The following KCNMA1 variants were observed in gnomAD, a reference collection of about 807,000 sequenced individuals.
KCNMA1 encodes Calcium-activated potassium channel subunit alpha-1.
KCNMA1 carries 29 observed loss-of-function variants against 140.0 expected under a neutral mutation model. The ratio of observed to expected loss-of-function variants is 0.21; its 90% confidence interval spans 0.15 to 0.28. The LOEUF (loss-of-function observed/expected upper bound fraction) is 0.28, where lower values mean the gene tolerates loss of function less well. Ranked by LOEUF, KCNMA1 falls within the 10% of genes least tolerant of loss-of-function variation. The pLI is 1.00. For synonymous variants in KCNMA1, 612 were observed against 611.9 expected (o/e 1.00, Z 0.00); for missense variants, 880 against 1,602.2 (o/e 0.55, Z 7.70).
At chr10:77,458,360 T>C (rs2097794098) in intron 1 of KCNMA1, among the ~76,000 whole-genome samples, 1 of 152,142 alleles carries the variant, frequency 6.6e-6, no homozygotes, top group African/African-American at 2.4e-5. Flanking sequence ...GGGCAGGTCC[T>C]CCTCCCTGAG....
intron 2 of KCNMA1, among the ~76,000 whole-genome samples, chr10:77,346,208 G>A (rs2154381061): frequency 6.6e-6 from 1 of 152,262 alleles, no homozygotes; most frequent in East Asian, 1.9e-4. Context: ...GCTTTGCTGA[G>A]CAATTTAAAA....
chr10:76,875,433 G>A (rs954249142), downstream of KCNMA1: 1 of 152,082 alleles, frequency 6.6e-6, no homozygotes, highest in Non-Finnish European at 1.5e-5. Context: ...AAAAAGTTTA[G>A]ATTAAAATTT....
At chr10:77,141,935 G>A (rs142485814) in intron 5 of KCNMA1, among the ~76,000 whole-genome samples, 19 of 152,312 alleles carry the variant, frequency 1.2e-4, no homozygotes, top group South Asian at 2.1e-4. Context: ...TGTGCCAAGC[G>A]TTTTGCTGGG....
chr10:77,622,934 G>A (rs903184208), intron 1 of KCNMA1, among the ~76,000 whole-genome samples: 8 of 152,204 alleles, frequency 5.3e-5, no homozygotes, highest in Non-Finnish European at 8.8e-5. Context: ...CTTAGAGACC[G>A]GAGGTTCTTG....
At chr10:76,874,945 G>T (rs752143776), downstream of KCNMA1, 8 of 152,176 alleles carry the variant, frequency 5.3e-5, no homozygotes, top group Non-Finnish European at 1.2e-4. Context: ...GGCTTTTCTG[G>T]AGCCCTAAAC....
intron 2 of KCNMA1, among the ~76,000 whole-genome samples, chr10:77,290,135 A>AT (rs2072670471): frequency 6.6e-6 from 1 of 152,178 alleles, no homozygotes; most frequent in African/African-American, 2.4e-5. Flanking sequence ...TACACACCAA[A>AT]TTTTTTTAAA....
At chr10:76,901,971 G>T (rs749157360) in intron 25 of KCNMA1, 1 of 152,218 alleles carries the variant, frequency 6.6e-6, no homozygotes, top group African/African-American at 2.4e-5. Flanking sequence ...ATCTCTTCAG[G>T]ATCTGAATAA....
At chr10:77,519,109 C>G (rs1390615449) in intron 1 of KCNMA1, among the ~76,000 whole-genome samples, 2 of 152,260 alleles carry the variant, frequency 1.3e-5, no homozygotes, top group Non-Finnish European at 2.9e-5. Flanking sequence ...TCCATTCAAG[C>G]CACACACCAC....
chr10:76,915,134 C>T, intron 23 of KCNMA1, 85 bp from the exon 24 acceptor site: 1 of 877,188 alleles, frequency 1.1e-6, no homozygotes, highest in Admixed American at 1.7e-5. Context: ...TACATACAAC[C>T]CCAAAAATGT....
chr10:77,366,134 C>CT (rs1566298079), intron 2 of KCNMA1, among the ~76,000 whole-genome samples: 10 of 54,070 alleles, frequency 1.8e-4, no homozygotes, highest in Admixed American at 5.1e-4. Context: ...CTTTTCTTCT[C>CT]TCTCTCTCTC....
At chr10:77,386,823 C>G (rs1248734493) in intron 2 of KCNMA1, among the ~76,000 whole-genome samples, 1 of 152,096 alleles carries the variant, frequency 6.6e-6, no homozygotes, top group Non-Finnish European at 1.5e-5. Flanking sequence ...TGGTCAGAGG[C>G]AAAATGTATT....
chr10:76,999,610 T>C (rs2085521233), intron 19 of KCNMA1, among the ~76,000 whole-genome samples: 1 of 152,204 alleles, frequency 6.6e-6, no homozygotes, highest in Non-Finnish European at 1.5e-5. Context: ...CCCTAGCTTA[T>C]CTCTGTAATG....
intron 1 of KCNMA1, among the ~76,000 whole-genome samples, chr10:77,466,425 C>A (rs772302855): frequency 6.6e-6 from 1 of 152,200 alleles, no homozygotes; most frequent in Non-Finnish European, 1.5e-5. Flanking sequence ...CTCACTCAGT[C>A]TTTCAACAAA....
intron 22 of KCNMA1, among the ~76,000 whole-genome samples, chr10:76,945,637 T>C (rs928927683): frequency 5.9e-5 from 9 of 151,882 alleles, no homozygotes; most frequent in African/African-American, 2.2e-4. Flanking sequence ...TCCAACAACA[T>C]AGGAATGGAG....
chr10:77,619,281 C>T (rs1375281438), intron 1 of KCNMA1, among the ~76,000 whole-genome samples: 3 of 151,156 alleles, frequency 2.0e-5, no homozygotes, highest in African/African-American at 7.3e-5. Context: ...CACACATATG[C>T]GTGGTGCCCC....
chr10:77,154,237 C>A (rs1415119259), intron 5 of KCNMA1, among the ~76,000 whole-genome samples: 1 of 152,088 alleles, frequency 6.6e-6, no homozygotes, highest in East Asian at 1.9e-4. Context: ...CCTGAGGCCT[C>A]CCCAGGCATG....
intron 19 of KCNMA1, among the ~76,000 whole-genome samples, chr10:76,999,995 G>A (rs575501609): frequency 6.6e-6 from 1 of 152,290 alleles, no homozygotes; most frequent in South Asian, 2.1e-4. Context: ...ATGGATCCCG[G>A]CTACACAGCC....
rs145906263 is a variant in KCNMA1, at chr10:77,440,699, C to T, written c.379-36676G>A. On this transcript the variant is annotated intron_variant, in intron 1 of 27. Transcript: ENST00000286628. ...GAAAAAAACCCCTCTACCGTGAGCT[C>T]ATTCTGAGTTGGAGGAAGCCTGGGA... Among the ~76,000 whole-genome samples the T allele has an allele frequency of 2.5e-3, 381 of 152,322 alleles. 4 individuals are homozygous for T. Among genetic ancestry groups the T allele is most frequent in the African/African-American group, 8.7e-3 (361 of 41,576 alleles).
At chr10:76,967,853 G>C (rs935756261) in intron 20 of KCNMA1, among the ~76,000 whole-genome samples, 1 of 152,120 alleles carries the variant, frequency 6.6e-6, no homozygotes, top group African/African-American at 2.4e-5. Context: ...CCATGAAACA[G>C]ACAGCTCCAG....
Sources: allele counts gnomAD v4.1 joint callset (sites outside exome capture counted in the v4.1 genomes callset), GRCh38; gene constraint gnomAD v4.1.1; transcripts MANE v1.5; gene names NCBI Gene and HGNC (gene_info 2026-07-23, HGNC 2026-07-21).